The following ART3 variants were observed in gnomAD, a reference collection of about 807,000 sequenced individuals.
The protein encoded by ART3 is ADP-ribosyltransferase 3 (inactive).
Under a neutral mutation model 48.5 loss-of-function variants are expected in ART3, and 49 were observed. The ratio of observed to expected loss-of-function variants is 1.01; its 90% CI spans 0.80 to 1.28. The LOEUF (loss-of-function observed/expected upper bound fraction) is 1.28. Ranked by LOEUF, ART3 falls within the 50% of genes most tolerant of loss-of-function variation. ART3 has a pLI of 0.00. For missense variants in ART3, 438 were observed against 454.3 expected, an observed-to-expected ratio of 0.96 and a Z score of 0.33; for synonymous variants, 145 against 157.2, an observed-to-expected ratio of 0.92 and a Z score of 0.58.
At chr4:76,026,520 C>T (rs949016133) in intron 1 of ART3, among the ~76,000 whole-genome samples, 2 of 152,128 alleles carry the variant, frequency 1.3e-5, no homozygotes, top group African/African-American at 4.8e-5. Flanking sequence ...TTATTGTTTT[C>T]CTTAGCTTTA....
intron 8 of ART3, among the ~76,000 whole-genome samples, chr4:76,101,402 A>G (rs1292153936): frequency 2.6e-5 from 4 of 152,250 alleles, no homozygotes; most frequent in Non-Finnish European, 5.9e-5. Context: ...GCCATTAGCT[A>G]TATCCATTTG....
chr4:76,077,192 A>G (rs956438693), intron 2 of ART3, among the ~76,000 whole-genome samples: 1 of 152,074 alleles, frequency 6.6e-6, no homozygotes, highest in African/African-American at 2.4e-5. Flanking sequence ...AATTTTCTCC[A>G]TCCCCCATTC....
chr4:76,046,213 G>A (rs1735487379), intron 1 of ART3, among the ~76,000 whole-genome samples: 1 of 152,002 alleles, frequency 6.6e-6, no homozygotes. Flanking sequence ...TGTGGTCTGT[G>A]GGATCCTCAA....
intron 1 of ART3, among the ~76,000 whole-genome samples, chr4:76,055,000 C>T (rs74569013): frequency 0.045 from 6,850 of 152,254 alleles, 202 homozygotes; most frequent in South Asian, 0.14. Flanking sequence ...GACTCAAACT[C>T]CTGGCCTCAG....
At chr4:76,036,188 T>G (rs142872466) in intron 1 of ART3, 2 of 553,378 alleles carry the variant, frequency 3.6e-6, no homozygotes, top group African/African-American at 3.8e-5. Flanking sequence ...GAGTTTCTGT[T>G]TTGTTCTCTT....
At chr4:76,013,649 A>ACT (rs910713200) in intron 1 of ART3, among the ~76,000 whole-genome samples, 1 of 152,076 alleles carries the variant, frequency 6.6e-6, no homozygotes, top group Non-Finnish European at 1.5e-5. Flanking sequence ...AAAAGATTTT[A>ACT]CTCTCTTGGG....
chr4:76,069,262 G>A (rs953798552), intron 1 of ART3, among the ~76,000 whole-genome samples: 4 of 151,316 alleles, frequency 2.6e-5, no homozygotes, highest in African/African-American at 4.9e-5. Flanking sequence ...AGCCTAGTAC[G>A]CATTAACAGT....
At chr4:76,079,902 A>ACT (rs201592519) in intron 2 of ART3, among the ~76,000 whole-genome samples, 30 of 147,102 alleles carry the variant, frequency 2.0e-4, no homozygotes, top group Non-Finnish European at 3.0e-4. Flanking sequence ...TCTCTCTTTC[A>ACT]CTCTCTCTCT....
At chr4:76,023,646 A>G (rs544624430) in intron 1 of ART3, 1 of 467,358 alleles carries the variant, frequency 2.1e-6, no homozygotes, top group African/African-American at 1.9e-5. Flanking sequence ...GGTATTATTT[A>G]TTGTAGCCTC....
At chr4:76,068,487 G>A (rs1028494453) in intron 1 of ART3, among the ~76,000 whole-genome samples, 5 of 152,210 alleles carry the variant, frequency 3.3e-5, no homozygotes, top group Non-Finnish European at 5.9e-5. Flanking sequence ...GAACATGGAT[G>A]AAGCTAGAGG....
intron 10 of ART3, chr4:76,105,722 T>C (rs1239206196): frequency 1.0e-6 from 1 of 985,292 alleles, no homozygotes; most frequent in South Asian, 4.7e-5. Context: ...TTTCTTTCAG[T>C]GTGAGCAGCA....
At chr4:76,055,247 T>C (rs1238434213) in intron 1 of ART3, among the ~76,000 whole-genome samples, 1 of 152,218 alleles carries the variant, frequency 6.6e-6, no homozygotes, top group East Asian at 1.9e-4. Context: ...CCTCTCACCT[T>C]GTATTTGTGC....
At chr4:76,022,353 A>G in intron 1 of ART3, 1 of 1,608,944 alleles carries the variant, frequency 6.2e-7, no homozygotes, top group South Asian at 1.1e-5. Context: ...TCTGCAGGCA[A>G]CAGCAAACCT....
At chr4:76,112,179 T>C (rs1282998889) in intron 11 of ART3, among the ~76,000 whole-genome samples, 1 of 152,224 alleles carries the variant, frequency 6.6e-6, no homozygotes, top group African/African-American at 2.4e-5. Flanking sequence ...CCAACACCCG[T>C]ATTAAGGGTC....
intron 1 of ART3, among the ~76,000 whole-genome samples, chr4:76,042,694 G>T (rs575710424): frequency 4.0e-5 from 6 of 151,602 alleles, no homozygotes; most frequent in Non-Finnish European, 7.4e-5. Context: ...TCGTGGTCTC[G>T]CTGGCTCAGG....
At chr4:76,040,099 C>T (rs28494900) in intron 1 of ART3, among the ~76,000 whole-genome samples, 92,910 of 151,960 alleles carry the variant, frequency 0.61, 29,459 homozygotes, top group East Asian at 0.94. Flanking sequence ...CCGAGGCAGG[C>T]GGATCACTTG....
intron 1 of ART3, chr4:76,035,311 A>AAG (rs751599143): frequency 6.2e-7 from 1 of 1,614,038 alleles, no homozygotes; most frequent in Non-Finnish European, 8.5e-7. Flanking sequence ...GGCCTATGCA[A>AAG]AGACAGCGTC....
chr4:76,041,903 A>G (rs1349092898), intron 1 of ART3, among the ~76,000 whole-genome samples: 6 of 152,218 alleles, frequency 3.9e-5, no homozygotes, highest in African/African-American at 1.2e-4. Context: ...CTAAGTCATT[A>G]TATCTCATTG....
At chr4:76,038,752 T>C in intron 1 of ART3, among the ~76,000 whole-genome samples, 1 of 152,016 alleles carries the variant, frequency 6.6e-6, no homozygotes, top group African/African-American at 2.4e-5. Context: ...AGATGGATTC[T>C]TGCTCTGTAG....
Sources: allele counts gnomAD v4.1 joint callset (sites outside exome capture counted in the v4.1 genomes callset), GRCh38; gene constraint gnomAD v4.1.1; transcripts MANE v1.5; gene names NCBI Gene and HGNC (gene_info 2026-07-23, HGNC 2026-07-21).